The following ZNF267 variants were observed in gnomAD, a reference collection of about 807,000 sequenced individuals.
ZNF267 encodes zinc finger (C2H2).
Under a neutral mutation model 71.6 loss-of-function variants are expected in ZNF267, and 61 were observed. That is an observed-to-expected ratio of 0.85 (90% confidence interval 0.69 to 1.05). ZNF267 has a LOEUF of 1.05. Among genes scored for constraint, ZNF267 ranks in the 50% least tolerant of loss-of-function variants. The probability of loss-of-function intolerance (pLI) is 0.00; values close to 1 mark genes in which losing one functional copy is unlikely to be tolerated. For synonymous variants in ZNF267, 288 were observed against 293.2 expected (o/e 0.98, Z 0.18); for missense variants, 852 against 870.0 (o/e 0.98, Z 0.26).
At chr16:31,909,873 C>A (rs2084122815) in intron 3 of ZNF267, among the ~76,000 whole-genome samples, 2 of 152,150 alleles carry the variant, frequency 1.3e-5, no homozygotes, top group African/African-American at 4.8e-5. Flanking sequence ...TTTTTTTCCT[C>A]CATTCAGGAT....
At position 31,916,267 on chromosome 16, in the gene ZNF267, C is replaced by G. The variant is rs760819616; in HGVS notation, c.2018C>G (p.Ser673Ter). 6 of 1,614,126 alleles carry G rather than the reference C, an allele frequency of 3.7e-6. No homozygotes were observed. The Admixed American group carries it at 6.7e-5, about 18-fold the overall frequency. The part of the protein sequence containing the change: ...EECGKAFNSR[S>*]YLTTHRRRHT... ...TGTGGCAAAGCCTTCAACTCTAGGT[C>G]ATACCTCACTACACATCGGAGAAGA... The change falls in exon 4 of 4, where the codon TCA becomes TGA. Residue 673 changes from serine (S) to a stop codon, truncating the protein, a stop_gained. Coordinates refer to ENST00000300870, the MANE Select transcript of ZNF267 (RefSeq NM_003414.6). LOFTEE classifies it high-confidence loss of function.
intron 3 of ZNF267, among the ~76,000 whole-genome samples, chr16:31,896,542 C>G (rs566149280): frequency 6.6e-6 from 1 of 152,270 alleles, no homozygotes; most frequent in African/African-American, 2.4e-5. Context: ...AGGAAACTGT[C>G]TTTTCCCCAA....
chr16:31,912,193 A>G (rs1305933727), intron 3 of ZNF267: 1 of 151,692 alleles, frequency 6.6e-6, no homozygotes, highest in African/African-American at 2.4e-5. Context: ...TTTCTTACAG[A>G]TGGAAGAGAA....
intron 3 of ZNF267, among the ~76,000 whole-genome samples, chr16:31,891,234 C>T (rs1442010777): frequency 6.6e-6 from 1 of 152,144 alleles, no homozygotes; most frequent in Non-Finnish European, 1.5e-5. Flanking sequence ...CTCCCTTTCA[C>T]ACATTTTATT....
chr16:31,886,552 C>T (rs2083925736), intron 3 of ZNF267, among the ~76,000 whole-genome samples: 1 of 152,164 alleles, frequency 6.6e-6, no homozygotes. Flanking sequence ...CATCCCAAAA[C>T]CACCCCCGAC....
chr16:31,885,371 C>G, intron 3 of ZNF267, 115 bp downstream of exon 3: 2 of 859,136 alleles, frequency 2.3e-6, no homozygotes, highest in Non-Finnish European at 3.4e-6. Flanking sequence ...TTTTGAGACA[C>G]CTGGCTTTAT....
intron 3 of ZNF267, among the ~76,000 whole-genome samples, chr16:31,909,064 C>CGTGTGT (rs58278411): frequency 1.0e-4 from 14 of 138,412 alleles, no homozygotes; most frequent in African/African-American, 3.6e-4. Flanking sequence ...GGATATTTTT[C>CGTGTGT]GTGTGTGTGT....
chr16:31,905,618 C>T (rs2084083032), intron 3 of ZNF267, among the ~76,000 whole-genome samples: 1 of 152,154 alleles, frequency 6.6e-6, no homozygotes, highest in Admixed American at 6.5e-5. Flanking sequence ...AGTTCGTGTG[C>T]CTTGGTTTTC....
chr16:31,875,202 G>T, intron 1 of ZNF267: 1 of 1,289,154 alleles, frequency 7.8e-7, no homozygotes, highest in Non-Finnish European at 1.0e-6. Flanking sequence ...CTGAATTTCA[G>T]AACTGTCTGG....
At chr16:31,879,577 C>G (rs1449480925) in intron 1 of ZNF267, among the ~76,000 whole-genome samples, 1 of 152,160 alleles carries the variant, frequency 6.6e-6, no homozygotes, top group Non-Finnish European at 1.5e-5. Flanking sequence ...GGGTCCTTTC[C>G]CTCTTTGATT....
chr16:31,901,894 C>T (rs2084044539), intron 3 of ZNF267, among the ~76,000 whole-genome samples: 1 of 152,100 alleles, frequency 6.6e-6, no homozygotes, highest in Non-Finnish European at 1.5e-5. Flanking sequence ...AATGGTATTA[C>T]CTAGGTTTTC....
At chr16:31,911,242 T>C (rs949700867) in intron 3 of ZNF267, among the ~76,000 whole-genome samples, 2 of 151,786 alleles carry the variant, frequency 1.3e-5, no homozygotes, top group Non-Finnish European at 2.9e-5. Context: ...CATGATTTTC[T>C]ATCTGTAAGA....
intron 1 of ZNF267, among the ~76,000 whole-genome samples, chr16:31,879,304 C>G (rs146830510): frequency 7.2e-5 from 11 of 152,352 alleles, no homozygotes; most frequent in Non-Finnish European, 1.3e-4. Flanking sequence ...ATGGTGCTGT[C>G]AGGTCTTCTA....
rs1478141037 is a variant in ZNF267, at chr16:31,916,861, A to C, written c.*380A>C. Reference sequence around the variant, plus strand: ...AAAAAATGAAGTCTAAATGTGTCAGAGAATTTATGTGAGAAAGGACTAAAG... The same window carrying C: ...AAAAAATGAAGTCTAAATGTGTCAGCGAATTTATGTGAGAAAGGACTAAAG... On this transcript the variant is annotated 3_prime_UTR_variant, in exon 4 of 4. Coordinates refer to ENST00000300870, the MANE Select transcript of ZNF267 (RefSeq NM_003414.6). The C allele has an allele frequency of 1.1e-5, 2 of 176,916 alleles. No homozygotes were observed. The highest frequency in any genetic ancestry group is 1.2e-5 in the Non-Finnish European group (1 of 82,422). The allele number at this position is 176,916 out of a possible 1,614,324, so 11.0% of individuals were successfully genotyped here. A position where few individuals can be genotyped will look rare whatever the true frequency, so the allele number is the denominator to read the frequency against.
At chr16:31,884,755 T>C in intron 2 of ZNF267, 131 bp downstream of exon 2, 1 of 946,674 alleles carries the variant, frequency 1.1e-6, no homozygotes, top group Non-Finnish European at 1.5e-6. Context: ...ATAGGGGTTT[T>C]GTTGAAGTAG....
intron 3 of ZNF267, chr16:31,914,171 T>C (rs1188226916): frequency 7.2e-6 from 2 of 276,802 alleles, no homozygotes; most frequent in East Asian, 1.4e-4. Context: ...GGGTTCATTG[T>C]AGTCCCCTAG....
At chr16:31,892,420 C>G (rs1227161085) in intron 3 of ZNF267, among the ~76,000 whole-genome samples, 2 of 152,128 alleles carry the variant, frequency 1.3e-5, no homozygotes, top group African/African-American at 4.8e-5. Flanking sequence ...TATCATTCCG[C>G]CCCTGGCCTC....
chr16:31,914,883 G>A lies in ZNF267; in HGVS notation c.634G>A (p.Gly212Arg). The change falls in exon 4 of 4, where the codon GGA (glycine) becomes AGA (arginine). Residue 212 changes from glycine (G) to arginine (R), a missense_variant. Gly to Arg is a moderately radical substitution (Grantham distance 125). Transcript: ENST00000300870. ...TLNSYRNVFI[G>R]EKNYHCNNSE... ...AAATAGTTACCGAAATGTTTTTATTGGAGAGAAAAATTATCATTGCAATAA... is the reference window on the plus strand; with the variant it reads ...AAATAGTTACCGAAATGTTTTTATTAGAGAGAAAAATTATCATTGCAATAA... The A allele has an allele frequency of 6.2e-7, 1 of 1,612,000 alleles. No homozygotes were observed.
At chr16:31,889,008 C>G (rs554380705) in intron 3 of ZNF267, among the ~76,000 whole-genome samples, 1 of 151,868 alleles carries the variant, frequency 6.6e-6, no homozygotes, top group Admixed American at 6.6e-5. Context: ...TTGGGTATTT[C>G]TGTTTCTTCA....
Sources: gnomAD v4.1 joint callset for allele counts (sites outside exome capture counted in the v4.1 genomes callset) on GRCh38, gnomAD v4.1.1 for gene constraint, MANE v1.5 for transcripts, NCBI Gene and HGNC (gene_info 2026-07-23, HGNC 2026-07-21) for gene names.